The following PPIL1 variants were observed in gnomAD, a reference collection of about 807,000 sequenced individuals.
The protein encoded by PPIL1 is peptidyl-prolyl cis-trans isomerase-like 1.
In PPIL1, 14 loss-of-function variants were observed where a neutral mutation model predicts 19.4. The ratio of observed to expected loss-of-function variants is 0.72; its 90% CI spans 0.48 to 1.13. The LOEUF is 1.13. Among genes scored for constraint, PPIL1 ranks in the 50% most tolerant of loss-of-function variants. PPIL1 has a pLI of 0.00. For synonymous variants in PPIL1, 72 were observed against 73.6 expected, an observed-to-expected ratio of 0.98 and a Z score of 0.11; for missense variants, 192 against 218.0, an observed-to-expected ratio of 0.88 and a Z score of 0.75.
At chr6:36,860,272 C>A (rs1234728830) in intron 2 of PPIL1, among the ~76,000 whole-genome samples, 1 of 151,972 alleles carries the variant, frequency 6.6e-6, no homozygotes, top group Non-Finnish European at 1.5e-5. Flanking sequence ...TTGAGACCAG[C>A]CTAAGCAACA....
chr6:36,858,923 G>A (rs1238080095), intron 2 of PPIL1, among the ~76,000 whole-genome samples: 2 of 152,154 alleles, frequency 1.3e-5, no homozygotes, highest in Non-Finnish European at 2.9e-5. Flanking sequence ...ACGCCACAGA[G>A]GCCAGGCTCT....
intron 2 of PPIL1, 83 bp from the exon 3 acceptor site, chr6:36,856,737 T>C (rs567123327): frequency 1.5e-6 from 2 of 1,311,954 alleles, no homozygotes; most frequent in Non-Finnish European, 2.2e-6. Flanking sequence ...GGTCAAAGGA[T>C]TTCTCAGAGT....
At chr6:36,866,078 G>A (rs1483095910) in intron 2 of PPIL1, among the ~76,000 whole-genome samples, 1 of 152,288 alleles carries the variant, frequency 6.6e-6, no homozygotes, top group East Asian at 1.9e-4. Context: ...AGAGCTAAAG[G>A]AAGAACTTGA....
intron 2 of PPIL1, among the ~76,000 whole-genome samples, chr6:36,867,498 G>A (rs558581812): frequency 7.2e-4 from 110 of 152,348 alleles, no homozygotes; most frequent in African/African-American, 2.6e-3. Flanking sequence ...AATACCCTCC[G>A]ATTCTGAACA....
At chr6:36,862,693 C>T (rs1774315214) in intron 2 of PPIL1, among the ~76,000 whole-genome samples, 1 of 152,218 alleles carries the variant, frequency 6.6e-6, no homozygotes, top group Admixed American at 6.5e-5. Flanking sequence ...AGATCCCTGA[C>T]AACTCTTCTG....
Position 36,868,065 on chromosome 6 carries a change from C to T in PPIL1, c.211+3653G>A, listed in dbSNP as rs372150488. Among the ~76,000 whole-genome samples, 3 of 152,192 alleles carry T rather than the reference C, an allele frequency of 2.0e-5. No individual in the cohort carries two copies. In the South Asian group the frequency reaches 6.2e-4, roughly 31 times the overall value. ...GAAAGGAAAAGAAAACCCAGGAACT[C>T]AGCCTGGGAGAAAGTGGCTTCTCCA... On this transcript the variant is annotated intron_variant, in intron 2 of 3. Transcript: ENST00000373699.
intron 2 of PPIL1, among the ~76,000 whole-genome samples, chr6:36,867,719 A>T (rs1278296212): frequency 6.6e-6 from 1 of 152,234 alleles, no homozygotes; most frequent in Non-Finnish European, 1.5e-5. Flanking sequence ...CAAGACTTTA[A>T]GGGAGTCTGG....
At chr6:36,856,462 C>A (rs1022138227) in intron 3 of PPIL1, 124 bp downstream of exon 3, 8 of 855,636 alleles carry the variant, frequency 9.3e-6, no homozygotes, top group Admixed American at 4.2e-5. Flanking sequence ...CACTTCATGG[C>A]GCCATGGCTG....
intron 2 of PPIL1, among the ~76,000 whole-genome samples, chr6:36,867,213 A>C (rs1774412215): frequency 6.6e-6 from 1 of 152,198 alleles, no homozygotes; most frequent in Non-Finnish European, 1.5e-5. Flanking sequence ...ACACACATTC[A>C]GATGCGTCTG....
At chr6:36,858,831 T>G (rs1002900884) in intron 2 of PPIL1, among the ~76,000 whole-genome samples, 1 of 151,144 alleles carries the variant, frequency 6.6e-6, no homozygotes, top group Non-Finnish European at 1.5e-5. Context: ...TCCTCCCCTT[T>G]GCTTGGTCCT....
intron 1 of PPIL1, among the ~76,000 whole-genome samples, chr6:36,872,227 C>T (rs995547842): frequency 6.6e-6 from 1 of 151,652 alleles, no homozygotes; most frequent in Non-Finnish European, 1.5e-5. Context: ...AATTCTTACA[C>T]TTAATTTTTA....
chr6:36,863,970 C>T (rs1162780557), intron 2 of PPIL1, among the ~76,000 whole-genome samples: 1 of 151,960 alleles, frequency 6.6e-6, no homozygotes, highest in Admixed American at 6.6e-5. Flanking sequence ...TGAAGACCTT[C>T]CCTTCCAAAC....
intron 1 of PPIL1, among the ~76,000 whole-genome samples, chr6:36,874,212 C>A (rs1488472755): frequency 6.6e-6 from 1 of 152,202 alleles, no homozygotes; most frequent in Non-Finnish European, 1.5e-5. Flanking sequence ...TACAGCGGGG[C>A]ATGGCGCCAG....
chr6:36,856,185 C>T (rs1774164138), intron 3 of PPIL1, 152 bp from the exon 4 acceptor site: 1 of 770,554 alleles, frequency 1.3e-6, no homozygotes, highest in Middle Eastern at 3.6e-4. Context: ...TCTCTCTGCC[C>T]TGTACAAAGG....
intron 2 of PPIL1, among the ~76,000 whole-genome samples, chr6:36,863,720 G>A (rs1048168589): frequency 5.9e-5 from 9 of 151,790 alleles, no homozygotes; most frequent in African/African-American, 9.7e-5. Flanking sequence ...GCCCCTCACC[G>A]CTCCGCTGAA....
chr6:36,867,961 A>T (rs898710893), intron 2 of PPIL1, among the ~76,000 whole-genome samples: 1 of 152,222 alleles, frequency 6.6e-6, no homozygotes, highest in East Asian at 1.9e-4. Context: ...GACATCAAGC[A>T]TGGATAAGAT....
In PPIL1 at chr6:36,867,220, T is replaced by C. The variant is rs1286136816; in HGVS notation, c.211+4498A>G. On this transcript the variant is annotated intron_variant, in intron 2 of 3. Transcript: ENST00000373699. ...AGCTCAGAACACACATTCAGATGCG[T>C]CTGCCATACAGGGTCATTCTAAGGG... is the stretch of plus-strand genomic sequence containing the variant. Among the ~76,000 whole-genome samples the C allele has an allele frequency of 5.9e-5, 9 of 152,302 alleles. No individual in the cohort carries two copies. In the East Asian group the frequency reaches 1.7e-3, roughly 29 times the overall value.
At chr6:36,870,853 AC>A (rs1774495092) in intron 2 of PPIL1, among the ~76,000 whole-genome samples, 1 of 152,104 alleles carries the variant, frequency 6.6e-6, no homozygotes, top group South Asian at 2.1e-4. Context: ...TGAACTCCTG[AC>A]CTCAAATGAT....
Position 36,855,868 on chromosome 6 carries a change from G to A in PPIL1, c.446C>T (p.Ser149Phe), listed in dbSNP as rs770897099. 2 of 1,614,120 alleles carry A rather than the reference G, an allele frequency of 1.2e-6. No homozygotes were observed. The highest frequency in any genetic ancestry group is 1.7e-6 in the Non-Finnish European group (2 of 1,180,008). The change falls in exon 4 of 4, where the codon TCC becomes TTC. Residue 149 changes from serine to phenylalanine, a missense_variant. Ser to Phe is a radical substitution (Grantham distance 155, BLOSUM62 -2). Coordinates refer to ENST00000373699, the MANE Select transcript of PPIL1 (RefSeq NM_016059.5). Reference sequence around the variant, plus strand: ...CACGTCGTCCACAGGGCGGTCCTGGGAGTTTGTTTCTACCATTCCCACGCG... The same window carrying A: ...CACGTCGTCCACAGGGCGGTCCTGGAAGTTTGTTTCTACCATTCCCACGCG... ...VNRVGMVETN[S>F]QDRPVDDVKI...
Sources: allele counts gnomAD v4.1 joint callset (sites outside exome capture counted in the v4.1 genomes callset), GRCh38; gene constraint gnomAD v4.1.1; transcripts MANE v1.5; gene names NCBI Gene and HGNC (gene_info 2026-07-23, HGNC 2026-07-21).